SYNJ1: variants seen among roughly 807,000 people sequenced by gnomAD.
The protein encoded by SYNJ1 is synaptojanin 1.
SYNJ1 carries 78 observed loss-of-function variants against 168.2 expected under a neutral mutation model. The observed-to-expected ratio is 0.46, with a 90% CI of 0.39 to 0.56. SYNJ1 has a LOEUF of 0.56. Among genes scored for constraint, SYNJ1 ranks in the 20% least tolerant of loss-of-function variants. The pLI is 0.00. For missense variants in SYNJ1, 1,303 were observed against 1,597.6 expected, an observed-to-expected ratio of 0.82 and a Z score of 3.14; for synonymous variants, 539 against 548.6, an observed-to-expected ratio of 0.98 and a Z score of 0.24.
intron 12 of SYNJ1, 131 bp downstream of exon 12, chr21:32,678,514 C>G: frequency 9.8e-7 from 1 of 1,022,316 alleles, no homozygotes; most frequent in Non-Finnish European, 1.3e-6. Context: ...ATGTACTTTT[C>G]AAAAATTACC....
chr21:32,663,522 T>C (rs1601335288), intron 18 of SYNJ1, among the ~76,000 whole-genome samples: 1 of 152,092 alleles, frequency 6.6e-6, no homozygotes, highest in Admixed American at 6.5e-5. Flanking sequence ...AGTGGACAGG[T>C]AGTTGTGTTA....
intron 2 of SYNJ1, among the ~76,000 whole-genome samples, chr21:32,705,756 C>T (rs2042584165): frequency 6.6e-6 from 1 of 152,222 alleles, no homozygotes; most frequent in East Asian, 1.9e-4. Context: ...GAAGCTGATG[C>T]AGAAGGACCC....
chr21:32,726,612 T>G (rs2146430980), intron 2 of SYNJ1, among the ~76,000 whole-genome samples, 160 bp downstream of exon 2: 1 of 152,328 alleles, frequency 6.6e-6, no homozygotes, highest in South Asian at 2.1e-4. Context: ...ACAAAAAGTT[T>G]GCAGGAAAAT....
upstream of SYNJ1, chr21:32,728,093 C>A: frequency 6.6e-7 from 1 of 1,508,400 alleles, no homozygotes; most frequent in South Asian, 1.2e-5. Context: ...AGGGGCGGGG[C>A]ATCAGGAGGG....
At position 32,629,058 on chromosome 21, in the gene SYNJ1, C is replaced by T. The variant is rs993466595; in HGVS notation, c.*2747G>A. The T allele has an allele frequency of 1.3e-5, 2 of 152,594 alleles. No individual in the cohort carries two copies. Among genetic ancestry groups the T allele is most frequent in the African/African-American group, 4.8e-5 (2 of 41,436 alleles). 9.5% of individuals were successfully genotyped at this position (152,594 alleles called of 1,614,324 possible). A position where few individuals can be genotyped will look rare whatever the true frequency, so the allele number is the denominator to read the frequency against. ...TGCAGCATACCTTTAACTTTCATAA[C>T]TTTGTGCATTTTCAGCAACTTGCCA... On this transcript the variant is annotated 3_prime_UTR_variant, in exon 33 of 33. Coordinates refer to ENST00000674351, the MANE Select transcript of SYNJ1 (RefSeq NM_203446.3).
chr21:32,656,816 T>C lies in SYNJ1; in HGVS notation c.2666A>G (p.Gln889Arg). The change falls in exon 21 of 33, where the codon CAG becomes CGG. Residue 889 changes from glutamine (Q) to arginine (R), a missense_variant. Gln to Arg is a conservative substitution (Grantham distance 43). This residue lies in a region of SYNJ1 where 920 missense variants were observed against 1,208.8 expected (regional missense o/e 0.76). Coordinates refer to ENST00000674351, the MANE Select transcript of SYNJ1 (RefSeq NM_203446.3). ...QNIYKEVIAV[Q>R]GPPDGTVLVS... ...CAATACTGTACCATCTGGTGGACCC[T>C]GAACTGCAATTACTTCTTTATAAAT... 6.2e-7 allele frequency: 1 copy of C among 1,614,194 alleles called. No homozygotes were observed. The highest frequency in any genetic ancestry group is 1.6e-4 in the Middle Eastern group (1 of 6,062).
chr21:32,670,704 G>A (rs1376538692), intron 14 of SYNJ1: 1 of 757,508 alleles, frequency 1.3e-6, no homozygotes, highest in Non-Finnish European at 1.6e-6. Context: ...CATAAAACTG[G>A]AGAGAGAAAT....
At chr21:32,647,359 G>A (rs1312440434) in intron 23 of SYNJ1, among the ~76,000 whole-genome samples, 8 of 152,168 alleles carry the variant, frequency 5.3e-5, no homozygotes, top group African/African-American at 1.4e-4. Flanking sequence ...GTCAGGTCCC[G>A]CACCATCTTT....
At chr21:32,668,123 G>A (rs566802948) in intron 15 of SYNJ1, among the ~76,000 whole-genome samples, 10 of 151,888 alleles carry the variant, frequency 6.6e-5, no homozygotes, top group African/African-American at 2.4e-4. Flanking sequence ...GGAGTGCGGT[G>A]GTGCGATCTC....
intron 2 of SYNJ1, among the ~76,000 whole-genome samples, chr21:32,705,862 C>G (rs1018895468): frequency 2.0e-5 from 3 of 152,150 alleles, no homozygotes; most frequent in East Asian, 3.9e-4. Flanking sequence ...TGGCATGCAC[C>G]TGGGGTCCCA....
rs111753048 is a variant in SYNJ1 at position 32,682,069 on chromosome 21, A to C, written c.1201-421T>G. ...AAGTTTAAGTAATTAAGGTAAAAAAAATGAAAAAAAGGAGTTGCTCTTAAA... is the reference window on the plus strand; with the variant it reads ...AAGTTTAAGTAATTAAGGTAAAAAACATGAAAAAAAGGAGTTGCTCTTAAA... On this transcript the variant is annotated intron_variant, in intron 10 of 32. Transcript: ENST00000674351. 7.9e-5 allele frequency among the ~76,000 whole-genome samples: 12 copies of C among 152,302 alleles called. 1 individual carries two copies. The highest frequency in any genetic ancestry group is 2.6e-4 in the African/African-American group (11 of 41,556).
chr21:32,631,418 T>A lies in SYNJ1; in HGVS notation c.*387A>T. 6.2e-7 allele frequency: 1 copy of A among 1,614,220 alleles called. No individual in the cohort carries two copies. Among genetic ancestry groups the A allele is most frequent in the Non-Finnish European group, 8.5e-7 (1 of 1,180,028 alleles). Reference sequence around the variant, plus strand: ...GGAAAGGACTGATAGTAACGGGCTCTTCTTTGGAGAACCATGAAGTTGCCT... The same window carrying A: ...GGAAAGGACTGATAGTAACGGGCTCATCTTTGGAGAACCATGAAGTTGCCT... On this transcript the variant is annotated 3_prime_UTR_variant, in exon 33 of 33. Coordinates refer to ENST00000674351, the MANE Select transcript of SYNJ1 (RefSeq NM_203446.3).
chr21:32,668,930 C>T (rs1459789130), intron 15 of SYNJ1, among the ~76,000 whole-genome samples: 4 of 151,960 alleles, frequency 2.6e-5, no homozygotes, highest in Non-Finnish European at 5.9e-5. Context: ...TGCTTTCACT[C>T]GAATTTAGGC....
At chr21:32,645,954 G>T in intron 24 of SYNJ1, 165 bp from the exon 25 acceptor site, 1 of 1,060,960 alleles carries the variant, frequency 9.4e-7, no homozygotes, top group Non-Finnish European at 1.4e-6. Context: ...CTATTAAACT[G>T]CCCTTTGGTA....
rs1284699653 is a variant in SYNJ1, at chr21:32,679,799, T to C, written c.1354-998A>G. On this transcript the variant is annotated intron_variant, in intron 11 of 32. Transcript: ENST00000674351. ...ATAATAGCATATGCAAATGACATTA[T>C]TTGAAAAGACACTCACCATTCACAT... Among the ~76,000 whole-genome samples, 3 of 152,220 alleles carry C rather than the reference T, an allele frequency of 2.0e-5. No individual in the cohort carries two copies. The South Asian group carries it at 6.2e-4, about 32-fold the overall frequency.
intron 3 of SYNJ1, among the ~76,000 whole-genome samples, 186 bp downstream of exon 3, chr21:32,701,775 T>C (rs900561120): frequency 6.6e-6 from 1 of 152,160 alleles, no homozygotes; most frequent in African/African-American, 2.4e-5. Flanking sequence ...AGTTTGAGCA[T>C]GTAGCACGCC....
chr21:32,718,159 C>T (rs896979966), intron 2 of SYNJ1, among the ~76,000 whole-genome samples: 7 of 152,184 alleles, frequency 4.6e-5, no homozygotes, highest in African/African-American at 1.7e-4. Flanking sequence ...CAAGTTAGAA[C>T]ATCTGATAGA....
intron 2 of SYNJ1, among the ~76,000 whole-genome samples, chr21:32,718,363 T>C (rs1225724475): frequency 1.3e-5 from 2 of 152,178 alleles, no homozygotes; most frequent in East Asian, 3.9e-4. Context: ...GATTTTCTTT[T>C]TAAAGAGTTG....
intron 2 of SYNJ1, among the ~76,000 whole-genome samples, chr21:32,713,560 A>G (rs2042915300): frequency 6.9e-6 from 1 of 144,148 alleles, no homozygotes; most frequent in African/African-American, 2.6e-5. Context: ...ATGATTTCCC[A>G]TATGTCAACA....
Sources: gnomAD v4.1 joint callset for allele counts (sites outside exome capture counted in the v4.1 genomes callset) on GRCh38, gnomAD v4.1.1 for gene constraint, gnomAD v4.1.1 regional missense constraint, MANE v1.5 for transcripts, NCBI Gene and HGNC (gene_info 2026-07-23, HGNC 2026-07-21) for gene names.